DCBLD2: variants seen among roughly 807,000 people sequenced by gnomAD.
The protein encoded by DCBLD2 is discoidin, CUB and LCCL domain-containing protein 2.
Under a neutral mutation model 86.8 loss-of-function variants are expected in DCBLD2, and 54 were observed. The observed-to-expected ratio is 0.62, with a 90% CI of 0.50 to 0.78. The LOEUF is 0.78. Among genes scored for constraint, DCBLD2 ranks in the 30% least tolerant of loss-of-function variants. DCBLD2 has a pLI of 0.00. For synonymous variants in DCBLD2, 354 were observed against 341.3 expected (o/e 1.04, Z -0.41); for missense variants, 908 against 954.2 (o/e 0.95, Z 0.64).
At position 98,796,583 on chromosome 3, in the gene DCBLD2, ATACT is replaced by A. The variant is rs1941603225; in HGVS notation, c.*2785_*2788del. 1.3e-5 allele frequency: 2 copies of A among 152,660 alleles called. No individual in the cohort carries two copies. The highest frequency in any genetic ancestry group is 2.9e-5 in the Non-Finnish European group (2 of 68,048). The allele number at this position is 152,660 out of a possible 1,614,324, so 9.5% of individuals were successfully genotyped here. Reference sequence around the variant, plus strand: ...GAGAGGCAAGTGTGTATGTGTTGTCATACTTACTGCATTAATTCTTCACTCGAAC... The same window carrying A: ...GAGAGGCAAGTGTGTATGTGTTGTCATACTGCATTAATTCTTCACTCGAAC... On this transcript the variant is annotated 3_prime_UTR_variant, in exon 16 of 16. Transcript: ENST00000326840.
rs559769969 is a variant in DCBLD2 at position 98,866,796 on chromosome 3, A to C, written c.433+14744T>G. Among the ~76,000 whole-genome samples the C allele has an allele frequency of 3.3e-5, 5 of 152,282 alleles. No individual in the cohort carries two copies. The East Asian group carries it at 9.7e-4, about 29-fold the overall frequency. On this transcript the variant is annotated intron_variant, in intron 2 of 15. Transcript: ENST00000326840. ...AGTCCTTGCCCATGCCTATGTCCTG[A>C]ATGGTACTGCCTAGGTTTTCTTCTA...
In DCBLD2 at chr3:98,797,778, A is replaced by G. The variant is rs1362455464; in HGVS notation, c.*1594T>C. The G allele has an allele frequency of 6.6e-6, 1 of 152,232 alleles. No individual in the cohort carries two copies. The highest frequency in any genetic ancestry group is 2.4e-5 in the African/African-American group (1 of 41,444). The allele number at this position is 152,232 out of a possible 1,614,324, so 9.4% of individuals were successfully genotyped here. On this transcript the variant is annotated 3_prime_UTR_variant, in exon 16 of 16. Coordinates refer to ENST00000326840, the MANE Select transcript of DCBLD2 (RefSeq NM_080927.4). The stretch of plus-strand genomic sequence containing the variant: ...TGATATAATTCATGGAAACAAGAAA[A>G]CAAATACTGTTCATCTTTATTCAAA...
chr3:98,838,945 A>T (rs975967850), intron 3 of DCBLD2, among the ~76,000 whole-genome samples: 2 of 150,936 alleles, frequency 1.3e-5, no homozygotes, highest in African/African-American at 4.9e-5. Flanking sequence ...CTGAGGCAGG[A>T]GTATCAGGCA....
Position 98,799,854 on chromosome 3 carries a change from C to A in DCBLD2, c.1859-13G>T. The A allele has an allele frequency of 6.3e-7, 1 of 1,575,890 alleles. No individual in the cohort carries two copies. Among genetic ancestry groups the A allele is most frequent in the Non-Finnish European group, 8.6e-7 (1 of 1,159,796 alleles). ...GGCTGAGCATACTCTGTGGATATCA[C>A]AAAACAACAGAAAAGTCATTTTACT... is the stretch of plus-strand genomic sequence containing the variant. On this transcript the variant is annotated splice_polypyrimidine_tract_variant and intron_variant, in intron 15 of 15. Coordinates refer to ENST00000326840, the MANE Select transcript of DCBLD2 (RefSeq NM_080927.4).
chr3:98,882,848 T>G (rs1641555409), intron 1 of DCBLD2, among the ~76,000 whole-genome samples: 1 of 152,196 alleles, frequency 6.6e-6, no homozygotes, highest in Non-Finnish European at 1.5e-5. Context: ...TAGTTCCAAG[T>G]CTTTGCTATT....
chr3:98,818,098 C>T (rs936629851), intron 8 of DCBLD2, among the ~76,000 whole-genome samples: 1 of 152,096 alleles, frequency 6.6e-6, no homozygotes, highest in Non-Finnish European at 1.5e-5. Context: ...TATGGGTGGG[C>T]ATTAATTAAG....
At position 98,828,881 on chromosome 3, in the gene DCBLD2, A is replaced by G. The variant is rs577435562; in HGVS notation, c.572-3515T>C. Among the ~76,000 whole-genome samples, 49 of 152,348 alleles carry G rather than the reference A, an allele frequency of 3.2e-4. 1 individual carries two copies. Among genetic ancestry groups the G allele is most frequent in the South Asian group, 1.2e-3 (6 of 4,826 alleles). ...GCTACAACATTGATAAACTTTGAAA[A>G]TATGCTAAGTGAAAGAAGCTAGTCA... On this transcript the variant is annotated intron_variant, in intron 3 of 15. Transcript: ENST00000326840.
intron 14 of DCBLD2, among the ~76,000 whole-genome samples, chr3:98,800,933 C>G (rs1941707367): frequency 6.6e-6 from 1 of 151,008 alleles, no homozygotes; most frequent in Non-Finnish European, 1.5e-5. Flanking sequence ...CACATGCAGG[C>G]AAATCACTGT....
chr3:98,800,272 C>G (rs907118790), intron 15 of DCBLD2, among the ~76,000 whole-genome samples: 1 of 152,086 alleles, frequency 6.6e-6, no homozygotes, highest in African/African-American at 2.4e-5. Context: ...AGAGGATAAA[C>G]ACTGTAAGGC....
chr3:98,838,497 G>A (rs1233006696), intron 3 of DCBLD2, among the ~76,000 whole-genome samples: 1 of 146,776 alleles, frequency 6.8e-6, no homozygotes, highest in African/African-American at 2.5e-5. Context: ...ATGGCAGCTG[G>A]GAAGAGGCGC....
At chr3:98,848,076 G>C (rs1202125894) in intron 3 of DCBLD2, among the ~76,000 whole-genome samples, 1 of 152,082 alleles carries the variant, frequency 6.6e-6, no homozygotes, top group Non-Finnish European at 1.5e-5. Flanking sequence ...TTATCATCCA[G>C]GTATTAAGCC....
At chr3:98,874,583 C>T (rs985018110) in intron 2 of DCBLD2, among the ~76,000 whole-genome samples, 2 of 152,152 alleles carry the variant, frequency 1.3e-5, no homozygotes, top group Non-Finnish European at 2.9e-5. Flanking sequence ...CTATTATGGA[C>T]CAGATACTGG....
rs151310273 is a variant in DCBLD2, at chr3:98,864,521, A to G, written c.434-14923T>C. 1.4e-3 allele frequency among the ~76,000 whole-genome samples: 206 copies of G among 152,324 alleles called. 2 individuals carry two copies. Among genetic ancestry groups the G allele is most frequent in the African/African-American group, 4.7e-3 (197 of 41,576 alleles). ...CATATACACCATGGAATACTATGCA[A>G]CCATAAAAAAAGATGAGTTCATGTC... is the stretch of plus-strand genomic sequence containing the variant. On this transcript the variant is annotated intron_variant, in intron 2 of 15. Transcript: ENST00000326840.
rs1226195977 is a variant in DCBLD2, at chr3:98,901,492, ACTC to A, written c.-169_-167del. The A allele has an allele frequency of 5.3e-6, 3 of 570,870 alleles. No individual in the cohort carries two copies. The highest frequency in any genetic ancestry group is 7.7e-5 in the East Asian group (2 of 25,808). The allele number at this position is 570,870 out of a possible 1,614,324, so 35.4% of individuals were successfully genotyped here. On this transcript the variant is annotated 5_prime_UTR_variant, in exon 1 of 16. Coordinates refer to ENST00000326840, the MANE Select transcript of DCBLD2 (RefSeq NM_080927.4). The stretch of plus-strand genomic sequence containing the variant: ...TCCGCCCCTCACCCCGCTTTCACCT[ACTC>A]CTCCTTCGTCCCTTCCCTCCGCTCC...
intron 9 of DCBLD2, among the ~76,000 whole-genome samples, chr3:98,816,771 CATT>C (rs1313854010): frequency 9.2e-5 from 14 of 152,058 alleles, no homozygotes; most frequent in East Asian, 1.9e-4. Flanking sequence ...AAAATGTCAT[CATT>C]GTTTCAGTTC....
In DCBLD2 at chr3:98,799,334, T is replaced by A; in HGVS notation, c.*38A>T. The A allele has an allele frequency of 6.5e-7, 1 of 1,534,406 alleles. No homozygotes were observed. Among genetic ancestry groups the A allele is most frequent in the Non-Finnish European group, 8.8e-7 (1 of 1,142,400 alleles). On this transcript the variant is annotated 3_prime_UTR_variant, in exon 16 of 16. Transcript: ENST00000326840. Reference sequence around the variant, plus strand: ...TAATAATTAAAAAAAAAAGGCCATGTGCTTTAAAACGATGCTTTGTAAAAA... The same window carrying A: ...TAATAATTAAAAAAAAAAGGCCATGAGCTTTAAAACGATGCTTTGTAAAAA...
chr3:98,870,743 A>AAG (rs1352479204), intron 2 of DCBLD2, among the ~76,000 whole-genome samples: 4 of 82,690 alleles, frequency 4.8e-5, no homozygotes, highest in Non-Finnish European at 7.7e-5. Context: ...AAGAAAAAGA[A>AAG]AGAAAGAAAG....
intron 2 of DCBLD2, among the ~76,000 whole-genome samples, chr3:98,867,045 T>C (rs1943160601): frequency 2.0e-5 from 3 of 152,218 alleles, no homozygotes; most frequent in African/African-American, 7.2e-5. Context: ...CTGAGGGCTC[T>C]GTTCTGTTCC....
In DCBLD2 at chr3:98,891,717, T is replaced by C. The variant is rs375217091; in HGVS notation, c.205+9405A>G. ...CTCTTTGTTCCACAGTCCTGAACTATAGGTGACTCCCCACATGCTCCACGC... is the reference window on the plus strand; with the variant it reads ...CTCTTTGTTCCACAGTCCTGAACTACAGGTGACTCCCCACATGCTCCACGC... On this transcript the variant is annotated intron_variant, in intron 1 of 15. Transcript: ENST00000326840. Among the ~76,000 whole-genome samples, 864 of 152,202 alleles carry C rather than the reference T, an allele frequency of 5.7e-3. 6 individuals carry two copies. The Middle Eastern group carries it at 0.061, about 11-fold the overall frequency.
Sources: gnomAD v4.1 joint callset for allele counts (sites outside exome capture counted in the v4.1 genomes callset) on GRCh38, gnomAD v4.1.1 for gene constraint, MANE v1.5 for transcripts, NCBI Gene and HGNC (gene_info 2026-07-23, HGNC 2026-07-21) for gene names.